The following CAMTA1 variants were observed in gnomAD, a reference collection of about 807,000 sequenced individuals.
CAMTA1 encodes calmodulin binding transcription activator 1, also known as calmodulin-binding transcription activator 1.
CAMTA1 carries 27 observed loss-of-function variants against 170.9 expected under a neutral mutation model. The observed-to-expected ratio is 0.16, with a 90% CI of 0.12 to 0.22. The LOEUF is 0.22. Among genes scored for constraint, CAMTA1 ranks in the 10% least tolerant of loss-of-function variants. The pLI is 1.00. For missense variants in CAMTA1, 1,619 were observed against 2,217.2 expected, an observed-to-expected ratio of 0.73 and a Z score of 5.42; for synonymous variants, 833 against 891.5, an observed-to-expected ratio of 0.93 and a Z score of 1.17.
chr1:7,139,615 CCTGT>C (rs1467961570), intron 4 of CAMTA1, among the ~76,000 whole-genome samples: 1 of 152,144 alleles, frequency 6.6e-6, no homozygotes, highest in Admixed American at 6.5e-5. Flanking sequence ...TCCCTTTCCT[CCTGT>C]CTGTCTGCAG....
At position 7,014,802 on chromosome 1, in the gene CAMTA1, C is replaced by T. The variant is rs1339028052; in HGVS notation, c.235-76502C>T. On this transcript the variant is annotated intron_variant, in intron 3 of 22. Coordinates refer to ENST00000303635, the MANE Select transcript of CAMTA1 (RefSeq NM_015215.4). This position sits in a 1 kb window ranked among gnomAD's most constrained non-coding sequence, Gnocchi z 4.2. ...TTCGGGGTCTGTGGACCCTCTCAGA[C>T]CCTGCAGCATGTCGGGGGCCGGGTG... Among the ~76,000 whole-genome samples, 1 of 152,144 alleles carries T rather than the reference C, an allele frequency of 6.6e-6. No homozygotes were observed. The highest frequency in any genetic ancestry group is 2.4e-5 in the African/African-American group (1 of 41,430).
chr1:7,704,564 C>G (rs951466208), intron 11 of CAMTA1, among the ~76,000 whole-genome samples: 33 of 148,788 alleles, frequency 2.2e-4, no homozygotes, highest in South Asian at 8.3e-4. Flanking sequence ...GGCGCAGTCC[C>G]CGCGCCGAGC....
intron 6 of CAMTA1, among the ~76,000 whole-genome samples, chr1:7,528,314 C>T (rs2094452552): frequency 6.6e-6 from 1 of 152,028 alleles, no homozygotes; most frequent in East Asian, 1.9e-4. Context: ...ATGACACTAG[C>T]AATCCATGTT....
intron 5 of CAMTA1, among the ~76,000 whole-genome samples, chr1:7,267,555 T>C (rs1465944748): frequency 6.6e-6 from 1 of 152,196 alleles, no homozygotes. Flanking sequence ...GCCAGATGCC[T>C]GTGACATACT....
At chr1:7,661,654 T>C (rs2095958651) in intron 7 of CAMTA1, 72 bp from the exon 8 acceptor site, 3 of 1,559,550 alleles carry the variant, frequency 1.9e-6, no homozygotes, top group Non-Finnish European at 2.6e-6. Flanking sequence ...GCCTGGGTCC[T>C]ACCCCTTGGC....
At position 7,293,054 on chromosome 1, in the gene CAMTA1, C is replaced by T. The variant is rs1274608181; in HGVS notation, c.438+43428C>T. Among the ~76,000 whole-genome samples, 1 of 152,154 alleles carries T rather than the reference C, an allele frequency of 6.6e-6. No homozygotes were observed. The highest frequency in any genetic ancestry group is 6.5e-5 in the Admixed American group (1 of 15,276). ...GAAGTGGCAAGCTCCGGCGGGGTGT[C>T]CTACTCCCTGCTGGGTCACTGGAGC... On this transcript the variant is annotated intron_variant, in intron 5 of 22. Transcript: ENST00000303635. This position sits in a 1 kb window ranked among gnomAD's most constrained non-coding sequence, Gnocchi z 4.1.
chr1:7,569,861 G>C (rs12061585), intron 6 of CAMTA1, among the ~76,000 whole-genome samples: 150 of 152,274 alleles, frequency 9.9e-4, no homozygotes, highest in African/African-American at 3.5e-3. Flanking sequence ...CAGACAGTGT[G>C]TCCTGGATCC....
intron 5 of CAMTA1, among the ~76,000 whole-genome samples, chr1:7,429,722 G>C (rs1172877503): frequency 6.9e-6 from 1 of 145,606 alleles, no homozygotes; most frequent in Non-Finnish European, 1.5e-5. Context: ...AGAGATACTT[G>C]AGACTGGGTA....
At chr1:7,298,334 G>T (rs1038144875) in intron 5 of CAMTA1, among the ~76,000 whole-genome samples, 5 of 204 alleles carry the variant, frequency 0.025, no homozygotes, top group African/African-American at 0.087. Flanking sequence ...CCCCCACCCC[G>T]CAGGTCTTTT....
intron 3 of CAMTA1, among the ~76,000 whole-genome samples, chr1:6,836,260 A>C (rs189609454): frequency 8.4e-4 from 128 of 152,390 alleles, no homozygotes; most frequent in African/African-American, 2.6e-3. Context: ...GCAAGTGAAG[A>C]AACAACAAAA....
chr1:7,615,900 A>G (rs1447621357), intron 6 of CAMTA1, among the ~76,000 whole-genome samples: 3 of 152,254 alleles, frequency 2.0e-5, no homozygotes, highest in African/African-American at 7.2e-5. Context: ...AGGCCTCCTC[A>G]GGCCTGCCAT....
At chr1:7,548,756 T>C in intron 6 of CAMTA1, among the ~76,000 whole-genome samples, 3 of 79,104 alleles carry the variant, frequency 3.8e-5, no homozygotes, top group Admixed American at 1.3e-4. Context: ...GCAGGGTTCC[T>C]CTTAGAGGTG....
In CAMTA1 at chr1:7,325,850, T is replaced by TTTTG. The variant is rs143723095; in HGVS notation, c.438+76244_438+76247dup. Among the ~76,000 whole-genome samples the TTTTG allele has an allele frequency of 0.02, 3,033 of 151,714 alleles. 72 individuals carry two copies. Among genetic ancestry groups the TTTTG allele is most frequent in the African/African-American group, 0.062 (2,561 of 41,328 alleles). ...GGTTTGGTTTGTTGTTGGTGGGTTT[T>TTTTG]TTTGTTTGTTTGTTTGTTTGTTTTA... On this transcript the variant is annotated intron_variant, in intron 5 of 22. Transcript: ENST00000303635. The surrounding 1 kb of genome is among the most constrained non-coding windows in gnomAD (Gnocchi z 5.0).
chr1:7,545,716 A>G (rs1292776501), intron 6 of CAMTA1, among the ~76,000 whole-genome samples: 1 of 151,930 alleles, frequency 6.6e-6, no homozygotes, highest in Non-Finnish European at 1.5e-5. Context: ...GTTAGGATGT[A>G]CCCTGGATGT....
chr1:7,457,361 C>T (rs1330390314), intron 5 of CAMTA1, among the ~76,000 whole-genome samples: 5 of 152,004 alleles, frequency 3.3e-5, no homozygotes, highest in Admixed American at 6.5e-5. Context: ...GGCCGGCGGC[C>T]GCTTTATTTA....
chr1:7,403,077 G>A (rs1365582743), intron 5 of CAMTA1, among the ~76,000 whole-genome samples: 4 of 152,156 alleles, frequency 2.6e-5, no homozygotes, highest in Non-Finnish European at 1.5e-5. Context: ...AATCACCCAG[G>A]CGCGGTGGCT....
intron 4 of CAMTA1, among the ~76,000 whole-genome samples, chr1:7,131,174 G>T (rs1017231008): frequency 2.0e-5 from 3 of 152,000 alleles, no homozygotes; most frequent in African/African-American, 7.2e-5. Flanking sequence ...GGATGGTCTC[G>T]ATCTCTTGAC....
intron 3 of CAMTA1, among the ~76,000 whole-genome samples, chr1:6,886,920 G>T (rs548091139): frequency 8.5e-5 from 13 of 152,336 alleles, no homozygotes; most frequent in Non-Finnish European, 1.6e-4. Flanking sequence ...ATTGGGAGAT[G>T]CTAGTCGTTT....
chr1:7,676,232 G>A (rs1485727253), intron 10 of CAMTA1, among the ~76,000 whole-genome samples: 2 of 152,218 alleles, frequency 1.3e-5, no homozygotes, highest in Admixed American at 1.3e-4. Flanking sequence ...TTCTGGACTT[G>A]GCCGGGGCTC....
Sources: gnomAD v4.1 joint callset for allele counts (sites outside exome capture counted in the v4.1 genomes callset) on GRCh38, gnomAD v4.1.1 for gene constraint, Gnocchi (gnomAD v3.1) non-coding constraint, MANE v1.5 for transcripts, NCBI Gene and HGNC (gene_info 2026-07-23, HGNC 2026-07-21) for gene names.